The following TEX9 variants were observed in gnomAD, a reference collection of about 807,000 sequenced individuals.
The protein encoded by TEX9 is testis expressed 9, also known as testis-expressed protein 9.
A neutral mutation model predicts 59.6 loss-of-function variants in TEX9; 74 were observed. The observed-to-expected ratio is 1.24, with a 90% CI of 1.03 to 1.51. The LOEUF (loss-of-function observed/expected upper bound fraction) is 1.51, where lower values mean the gene tolerates loss of function less well. TEX9 is among the 40% of genes most tolerant of loss of function. TEX9 has a pLI of 0.00. For synonymous variants in TEX9, 186 were observed against 152.2 expected (o/e 1.22, Z -1.64); for missense variants, 522 against 447.8 (o/e 1.17, Z -1.49).
chr15:56,325,893 A>G (rs1444259352), intron 1 of TEX9, among the ~76,000 whole-genome samples: 5 of 152,172 alleles, frequency 3.3e-5, no homozygotes, highest in African/African-American at 1.2e-4. Flanking sequence ...GTGACTGTGC[A>G]TTTACCATTT....
At chr15:56,296,947 G>C (rs1310589371) in intron 1 of TEX9, among the ~76,000 whole-genome samples, 1 of 152,082 alleles carries the variant, frequency 6.6e-6, no homozygotes, top group Non-Finnish European at 1.5e-5. Flanking sequence ...CATAGGTCTA[G>C]GAAGAGTTCC....
chr15:56,391,769 GTT>G (rs548395447), intron 7 of TEX9, among the ~76,000 whole-genome samples: 21 of 152,010 alleles, frequency 1.4e-4, no homozygotes, highest in African/African-American at 5.1e-4. Flanking sequence ...ATTGCTTATT[GTT>G]AAAATATTAA....
chr15:56,388,209 T>A (rs1268649750), intron 4 of TEX9, among the ~76,000 whole-genome samples: 5 of 152,066 alleles, frequency 3.3e-5, no homozygotes, highest in Non-Finnish European at 1.5e-5. Context: ...TCTTTATGAT[T>A]TCCATTCATT....
At chr15:56,249,503 G>A (rs1300791591) in intron 1 of TEX9, among the ~76,000 whole-genome samples, 4 of 151,722 alleles carry the variant, frequency 2.6e-5, no homozygotes, top group Non-Finnish European at 4.4e-5. Flanking sequence ...AGGAAGGGGC[G>A]CTGAGACAGG....
intron 2 of TEX9, among the ~76,000 whole-genome samples, chr15:56,370,170 T>C (rs2047129840): frequency 6.6e-6 from 1 of 152,172 alleles, no homozygotes; most frequent in Non-Finnish European, 1.5e-5. Flanking sequence ...TTCTTGTCTG[T>C]CTTCTGCTGG....
chr15:56,349,589 A>G (rs2046536826), intron 1 of TEX9, among the ~76,000 whole-genome samples: 1 of 152,120 alleles, frequency 6.6e-6, no homozygotes, highest in Non-Finnish European at 1.5e-5. Context: ...TAGGAAACCC[A>G]CACCCTGCTA....
At chr15:56,350,244 A>G (rs1252397617) in intron 1 of TEX9, among the ~76,000 whole-genome samples, 1 of 152,198 alleles carries the variant, frequency 6.6e-6, no homozygotes, top group Non-Finnish European at 1.5e-5. Flanking sequence ...AAATATATAC[A>G]TACATTATGT....
intron 1 of TEX9, among the ~76,000 whole-genome samples, chr15:56,296,093 G>A (rs2045211231): frequency 6.6e-6 from 1 of 152,164 alleles, no homozygotes; most frequent in African/African-American, 2.4e-5. Context: ...AAGTGGATCA[G>A]TTCCTCCTTC....
At chr15:56,422,530 T>C (rs924888910) in intron 10 of TEX9, among the ~76,000 whole-genome samples, 2 of 151,790 alleles carry the variant, frequency 1.3e-5, no homozygotes, top group African/African-American at 4.9e-5. Flanking sequence ...TACCTCCAAG[T>C]AATATAGCAT....
chr15:56,344,129 A>G (rs1276144830), intron 1 of TEX9, among the ~76,000 whole-genome samples: 2 of 152,184 alleles, frequency 1.3e-5, no homozygotes, highest in East Asian at 1.9e-4. Flanking sequence ...ATGGTTAAGC[A>G]TGGAGTTATC....
Position 56,402,283 on chromosome 15 carries a change from A to G in TEX9, c.828+7449A>G, listed in dbSNP as rs189110419. On this transcript the variant is annotated intron_variant, in intron 9 of 12. Coordinates refer to ENST00000352903, the Ensembl canonical transcript of TEX9. ...AAATAGAGAAGAATCAAATAGACGC[A>G]ATAAAAAATGATAAAGGGGATATCG... Among the ~76,000 whole-genome samples the G allele has an allele frequency of 3.0e-3, 464 of 152,326 alleles. 3 individuals carry two copies. The highest frequency in any genetic ancestry group is 0.011 in the African/African-American group (447 of 41,570).
At chr15:56,429,030 TA>T in intron 12 of TEX9, 1 of 991,464 alleles carries the variant, frequency 1.0e-6, no homozygotes, top group Non-Finnish European at 1.5e-6. Flanking sequence ...CACTGAACTG[TA>T]AAACAAAAGT....
chr15:56,423,010 A>G (rs2050056568), intron 10 of TEX9, among the ~76,000 whole-genome samples: 1 of 152,176 alleles, frequency 6.6e-6, no homozygotes, highest in African/African-American at 2.4e-5. Flanking sequence ...CTTAATAATC[A>G]TTGTATTTAC....
intron 9 of TEX9, among the ~76,000 whole-genome samples, chr15:56,411,397 A>T (rs1342428425): frequency 1.3e-5 from 2 of 152,232 alleles, no homozygotes; most frequent in African/African-American, 4.8e-5. Context: ...AAGGTGCTAT[A>T]CAAGCTTTGA....
chr15:56,322,005 A>C (rs1175822684), intron 1 of TEX9, among the ~76,000 whole-genome samples: 1 of 152,118 alleles, frequency 6.6e-6, no homozygotes, highest in African/African-American at 2.4e-5. Context: ...TTGTGGGAAT[A>C]GATAAATGAC....
chr15:56,372,063 C>G (rs1274630019), intron 2 of TEX9, among the ~76,000 whole-genome samples: 8 of 152,208 alleles, frequency 5.3e-5, no homozygotes, highest in Non-Finnish European at 4.4e-5. Flanking sequence ...AATATTTCCT[C>G]CATTACATTT....
Position 56,369,958 on chromosome 15 carries a change from C to G in TEX9, c.120-3483C>G, listed in dbSNP as rs1240635464. Reference sequence around the variant, plus strand: ...TTGACTTATTTAAATCTTCTTGATTCATTATTATGCAGTGTCTATCTTTCT... The same window carrying G: ...TTGACTTATTTAAATCTTCTTGATTGATTATTATGCAGTGTCTATCTTTCT... On this transcript the variant is annotated intron_variant, in intron 2 of 12. Transcript: ENST00000352903. Among the ~76,000 whole-genome samples, 17 of 128,274 alleles carry G rather than the reference C, an allele frequency of 1.3e-4. No homozygotes were observed. The Admixed American group carries it at 1.4e-3, about 11-fold the overall frequency. 84.2% of individuals were successfully genotyped at this position (128,274 alleles called of 152,430 possible). A position where few individuals can be genotyped will look rare whatever the true frequency, so the allele number is the denominator to read the frequency against.
Position 56,351,316 on chromosome 15 carries a change from A to G in TEX9, c.-106-22125A>G, listed in dbSNP as rs138866589. 9.8e-5 allele frequency among the ~76,000 whole-genome samples: 15 copies of G among 152,342 alleles called. 1 individual carries two copies. The highest frequency in any genetic ancestry group is 3.6e-4 in the African/African-American group (15 of 41,586). On this transcript the variant is annotated intron_variant, in intron 1 of 5. Transcript: ENST00000560827. ...CCTGTCTCAATGAGATAATGAAGTC[A>G]TGATAGGAAATCATCACTGTTGAAT...
intron 1 of TEX9, among the ~76,000 whole-genome samples, chr15:56,339,016 C>T (rs1323643898): frequency 2.6e-5 from 4 of 152,020 alleles, no homozygotes; most frequent in Non-Finnish European, 5.9e-5. Flanking sequence ...GAATACTTGT[C>T]ATTTCTTACT....
Sources: gnomAD v4.1 joint callset for allele counts (sites outside exome capture counted in the v4.1 genomes callset) on GRCh38, gnomAD v4.1.1 for gene constraint, MANE v1.5 for transcripts, NCBI Gene and HGNC (gene_info 2026-07-23, HGNC 2026-07-21) for gene names.